GRIA1: variants seen among roughly 807,000 people sequenced by gnomAD.
The protein encoded by GRIA1 is glutamate ionotropic receptor AMPA type subunit 1.
In GRIA1, 31 loss-of-function variants were observed where a neutral mutation model predicts 99.2. The observed-to-expected ratio is 0.31, with a 90% confidence interval of 0.23 to 0.42. The LOEUF is 0.42. Among genes scored for constraint, GRIA1 ranks in the 10% least tolerant of loss-of-function variants. The probability of loss-of-function intolerance (pLI) is 1.00; values close to 1 mark genes in which losing one functional copy is unlikely to be tolerated. For synonymous variants in GRIA1, 438 were observed against 432.4 expected (o/e 1.01, Z -0.16); for missense variants, 782 against 1,157.5 (o/e 0.68, Z 4.71).
At chr5:153,507,525 A>G (rs980170876) in intron 2 of GRIA1, among the ~76,000 whole-genome samples, 3 of 152,140 alleles carry the variant, frequency 2.0e-5, no homozygotes, top group African/African-American at 7.2e-5. Context: ...TTTCTGTTCA[A>G]TCATTCAGCC....
chr5:153,666,544 G>A (rs184295313), intron 5 of GRIA1, among the ~76,000 whole-genome samples: 2 of 152,240 alleles, frequency 1.3e-5, no homozygotes, highest in East Asian at 1.9e-4. Context: ...ACTAGTGGTT[G>A]GGAGGCTTGA....
At chr5:153,709,254 A>G (rs1313700651) in intron 11 of GRIA1, among the ~76,000 whole-genome samples, 5 of 152,214 alleles carry the variant, frequency 3.3e-5, no homozygotes, top group African/African-American at 9.6e-5. Flanking sequence ...AGGGGCTTTT[A>G]AAGCTGACAT....
intron 11 of GRIA1, among the ~76,000 whole-genome samples, chr5:153,706,656 G>A (rs1049172960): frequency 1.3e-5 from 2 of 152,116 alleles, no homozygotes; most frequent in African/African-American, 4.8e-5. Context: ...CCCTTTATGC[G>A]GCTCTCAGAA....
intron 11 of GRIA1, among the ~76,000 whole-genome samples, chr5:153,724,295 A>AG (rs201436264): frequency 2.7e-5 from 1 of 36,480 alleles, no homozygotes; most frequent in Non-Finnish European, 4.7e-5. Flanking sequence ...AAAGATGGGG[A>AG]AAAAAACAGA....
At chr5:153,573,585 T>C (rs1433527244) in intron 2 of GRIA1, among the ~76,000 whole-genome samples, 1 of 152,092 alleles carries the variant, frequency 6.6e-6, no homozygotes, top group African/African-American at 2.4e-5. Flanking sequence ...CAGCTGGCTG[T>C]GAGATTTTAG....
chr5:153,722,437 G>C (rs974680030), intron 11 of GRIA1, among the ~76,000 whole-genome samples: 1 of 152,118 alleles, frequency 6.6e-6, no homozygotes, highest in Non-Finnish European at 1.5e-5. Context: ...TCTTCTGAAA[G>C]TTTCAGCTTT....
At chr5:153,727,511 T>C (rs1760648153) in intron 11 of GRIA1, among the ~76,000 whole-genome samples, 1 of 152,214 alleles carries the variant, frequency 6.6e-6, no homozygotes, top group Non-Finnish European at 1.5e-5. Flanking sequence ...CAAAATCTCC[T>C]TAAGATGATA....
chr5:153,509,966 G>A (rs1755902234), intron 2 of GRIA1, among the ~76,000 whole-genome samples: 1 of 152,156 alleles, frequency 6.6e-6, no homozygotes, highest in Admixed American at 6.5e-5. Context: ...ATGGGATTTT[G>A]TAATTTAGTA....
chr5:153,491,769 C>T (rs180895009), intron 1 of GRIA1, among the ~76,000 whole-genome samples: 2 of 152,162 alleles, frequency 1.3e-5, no homozygotes, highest in Non-Finnish European at 2.9e-5. Context: ...TTACTGGGCT[C>T]CATCCTCTCA....
At chr5:153,705,351 G>A (rs771204565) in intron 10 of GRIA1, among the ~76,000 whole-genome samples, 2 of 152,168 alleles carry the variant, frequency 1.3e-5, no homozygotes, top group African/African-American at 2.4e-5. Flanking sequence ...GCAGGATTGA[G>A]AGTGGGGCAA....
At chr5:153,553,319 A>G (rs1760321666) in intron 2 of GRIA1, among the ~76,000 whole-genome samples, 1 of 152,216 alleles carries the variant, frequency 6.6e-6, no homozygotes, top group Admixed American at 6.5e-5. Flanking sequence ...CAAAAGAAAG[A>G]ATTCGAATGA....
intron 2 of GRIA1, among the ~76,000 whole-genome samples, chr5:153,504,746 C>G (rs1395323710): frequency 6.6e-6 from 1 of 152,096 alleles, no homozygotes; most frequent in Admixed American, 6.6e-5. Context: ...GCCATTCACC[C>G]ACATAGAAGC....
At chr5:153,701,615 G>A (rs1169320189) in intron 10 of GRIA1, among the ~76,000 whole-genome samples, 3 of 18,012 alleles carry the variant, frequency 1.7e-4, no homozygotes, top group Admixed American at 1.4e-3. Context: ...AGCGAGACCC[G>A]TCTCAAAAAA....
intron 11 of GRIA1, among the ~76,000 whole-genome samples, chr5:153,709,854 G>A (rs1759185322): frequency 2.0e-5 from 3 of 152,222 alleles, no homozygotes; most frequent in Admixed American, 6.5e-5. Flanking sequence ...GGCTGAGAAG[G>A]CAAGAATTTA....
chr5:153,799,185 C>T (rs934270910), intron 14 of GRIA1, among the ~76,000 whole-genome samples: 2 of 152,150 alleles, frequency 1.3e-5, no homozygotes, highest in Non-Finnish European at 2.9e-5. Context: ...TCCATCTCTC[C>T]CCTGTCCCCG....
intron 7 of GRIA1, among the ~76,000 whole-genome samples, chr5:153,678,479 A>C (rs1447469980): frequency 6.6e-6 from 1 of 152,162 alleles, no homozygotes; most frequent in Non-Finnish European, 1.5e-5. Flanking sequence ...GTCCCTGTGC[A>C]GGGTGGCTCC....
chr5:153,675,517 T>C (rs886217132), intron 6 of GRIA1, among the ~76,000 whole-genome samples: 1 of 152,228 alleles, frequency 6.6e-6, no homozygotes, highest in Admixed American at 6.5e-5. Context: ...CCAGATAGAT[T>C]GACAGTGGCC....
Position 153,666,942 on chromosome 5 carries a change from C to T in GRIA1, c.700-7558C>T, listed in dbSNP as rs370788580. On this transcript the variant is annotated intron_variant, in intron 5 of 15. Coordinates refer to ENST00000285900, the MANE Select transcript of GRIA1 (RefSeq NM_000827.4). Reference sequence around the variant, plus strand: ...AACCCTTCTGGGACTCAAATACATCCTTCACTTACTTTCTTGGTCTTCTAT... The same window carrying T: ...AACCCTTCTGGGACTCAAATACATCTTTCACTTACTTTCTTGGTCTTCTAT... 9.2e-5 allele frequency among the ~76,000 whole-genome samples: 14 copies of T among 152,272 alleles called. No homozygotes were observed. The South Asian group carries it at 2.7e-3, about 29-fold the overall frequency.
chr5:153,607,474 CT>C (rs1765558284), intron 2 of GRIA1, among the ~76,000 whole-genome samples: 1 of 151,692 alleles, frequency 6.6e-6, no homozygotes, highest in Admixed American at 6.6e-5. Context: ...TTTGTAAAGC[CT>C]TGCATTTCTC....
Sources: allele counts gnomAD v4.1 joint callset (sites outside exome capture counted in the v4.1 genomes callset), GRCh38; gene constraint gnomAD v4.1.1; transcripts MANE v1.5; gene names NCBI Gene and HGNC (gene_info 2026-07-23, HGNC 2026-07-21).